The following DIAPH3 variants were observed in gnomAD, a reference collection of about 807,000 sequenced individuals.
The protein encoded by DIAPH3 is protein diaphanous homolog 3.
Under a neutral mutation model 144.3 loss-of-function variants are expected in DIAPH3, and 117 were observed. That is an observed-to-expected ratio of 0.81 (90% confidence interval 0.70 to 0.95). DIAPH3 has a LOEUF of 0.95. DIAPH3 is among the 40% of genes least tolerant of loss of function. The pLI is 0.00. For missense variants in DIAPH3, 1,421 were observed against 1,412.7 expected (o/e 1.01, Z -0.09); for synonymous variants, 519 against 488.9 (o/e 1.06, Z -0.81).
chr13:59,875,575 T>C (rs1398098369), intron 21 of DIAPH3, among the ~76,000 whole-genome samples: 3 of 152,130 alleles, frequency 2.0e-5, no homozygotes, highest in Admixed American at 2.0e-4. Context: ...TTTATAACAC[T>C]ATTCAACACG....
chr13:59,963,661 G>A (rs2049893445), intron 17 of DIAPH3, among the ~76,000 whole-genome samples: 1 of 151,890 alleles, frequency 6.6e-6, no homozygotes, highest in African/African-American at 2.4e-5. Flanking sequence ...GGGAGAACAG[G>A]TAAATGAATA....
chr13:59,777,835 T>A (rs2038505062), intron 25 of DIAPH3, among the ~76,000 whole-genome samples: 1 of 152,078 alleles, frequency 6.6e-6, no homozygotes, highest in Non-Finnish European at 1.5e-5. Flanking sequence ...GCTAGAGAAC[T>A]GTTCTAGATT....
intron 27 of DIAPH3, among the ~76,000 whole-genome samples, chr13:59,767,608 G>A (rs777188128): frequency 4.0e-5 from 6 of 151,888 alleles, no homozygotes; most frequent in Non-Finnish European, 8.8e-5. Flanking sequence ...TAAGAAAAGG[G>A]AGAGATTCAG....
intron 25 of DIAPH3, among the ~76,000 whole-genome samples, chr13:59,799,227 A>G (rs1183754536): frequency 6.6e-6 from 1 of 152,102 alleles, no homozygotes; most frequent in Non-Finnish European, 1.5e-5. Context: ...ATGGACGTAG[A>G]TGCCAACTGA....
intron 15 of DIAPH3, among the ~76,000 whole-genome samples, chr13:59,972,349 T>C (rs555819063): frequency 9.8e-5 from 15 of 152,310 alleles, no homozygotes; most frequent in Admixed American, 5.9e-4. Context: ...AACAGATGCA[T>C]TTCGATGGAT....
At position 59,977,193 on chromosome 13, in the gene DIAPH3, C is replaced by A. The variant is rs149970769; in HGVS notation, c.1546-2737G>T. ...TGATGGAGAAGTAAAAGCAAACTAACAACCCTAAATCAATTAAAAATACCA... is the reference window on the plus strand; with the variant it reads ...TGATGGAGAAGTAAAAGCAAACTAAAAACCCTAAATCAATTAAAAATACCA... On this transcript the variant is annotated intron_variant, in intron 14 of 27. Transcript: ENST00000400324. 1.3e-4 allele frequency among the ~76,000 whole-genome samples: 19 copies of A among 151,796 alleles called. No homozygotes were observed. In the East Asian group the frequency reaches 3.7e-3, roughly 29 times the overall value.
chr13:59,878,622 G>T (rs1282012343), intron 21 of DIAPH3, among the ~76,000 whole-genome samples: 1 of 151,946 alleles, frequency 6.6e-6, no homozygotes, highest in Non-Finnish European at 1.5e-5. Flanking sequence ...GAATATATTT[G>T]CTGTAAGGAA....
intron 21 of DIAPH3, among the ~76,000 whole-genome samples, chr13:59,868,172 G>C (rs2044045054): frequency 6.6e-6 from 1 of 152,080 alleles, no homozygotes; most frequent in African/African-American, 2.4e-5. Flanking sequence ...TTCTTGTTTG[G>C]AGTAGTTTCA....
chr13:59,868,852 T>C (rs2044087194), intron 21 of DIAPH3, among the ~76,000 whole-genome samples: 1 of 152,206 alleles, frequency 6.6e-6, no homozygotes, highest in Non-Finnish European at 1.5e-5. Context: ...TTCTATCACT[T>C]AGCAATACGA....
At chr13:59,999,590 T>G (rs888831445) in intron 9 of DIAPH3, among the ~76,000 whole-genome samples, 2 of 152,302 alleles carry the variant, frequency 1.3e-5, no homozygotes. Context: ...CACAGTTCCC[T>G]GCTCCCAGCC....
chr13:59,777,966 A>G (rs2038512792), intron 25 of DIAPH3, among the ~76,000 whole-genome samples: 1 of 152,202 alleles, frequency 6.6e-6, no homozygotes. Context: ...TGGACTGGGT[A>G]TCAGATAATT....
chr13:59,871,202 G>C (rs1388369930), intron 21 of DIAPH3, among the ~76,000 whole-genome samples: 1 of 144,992 alleles, frequency 6.9e-6, no homozygotes, highest in South Asian at 2.2e-4. Flanking sequence ...TTTTGGGGGG[G>C]GGGGTGGCGG....
intron 24 of DIAPH3, among the ~76,000 whole-genome samples, chr13:59,830,220 T>G (rs1332208749): frequency 6.6e-6 from 1 of 151,772 alleles, no homozygotes; most frequent in African/African-American, 2.4e-5. Flanking sequence ...GTCAGGAGTT[T>G]TTGCCAATAT....
chr13:60,099,700 A>C (rs1159468310), intron 3 of DIAPH3, among the ~76,000 whole-genome samples: 1 of 152,220 alleles, frequency 6.6e-6, no homozygotes, highest in Non-Finnish European at 1.5e-5. Flanking sequence ...ACAGCAAAAA[A>C]AATAGTTTCC....
At chr13:60,008,135 T>A (rs1005088686) in intron 9 of DIAPH3, among the ~76,000 whole-genome samples, 1 of 152,186 alleles carries the variant, frequency 6.6e-6, no homozygotes, top group Non-Finnish European at 1.5e-5. Context: ...GGCTCATGCC[T>A]GTAATCCCAG....
At position 59,810,801 on chromosome 13, in the gene DIAPH3, T is replaced by C. The variant is rs746603687; in HGVS notation, c.3150A>G (p.Leu1050=). The change falls in exon 25 of 28, where the codon TTA becomes TTG. Residue 1050 remains leucine, a synonymous_variant. Coordinates refer to ENST00000400324, the MANE Select transcript of DIAPH3 (RefSeq NM_001042517.2). ...LERQQKKKRL[L]EMKTEGDETG... is the part of the protein sequence containing the mutation. ...GATAGTACTCACCAGTCTTCATTTC[T>C]AATAAACGCTTTTTCTTTTGTTGGC... is the stretch of plus-strand genomic sequence containing the variant. 28 of 1,613,338 alleles carry C rather than the reference T, an allele frequency of 1.7e-5. No individual in the cohort carries two copies. The highest frequency in any genetic ancestry group is 2.2e-5 in the Non-Finnish European group (26 of 1,179,870).
chr13:59,699,540 G>T (rs1593607534), intron 27 of DIAPH3, among the ~76,000 whole-genome samples: 1 of 152,152 alleles, frequency 6.6e-6, no homozygotes, highest in African/African-American at 2.4e-5. Flanking sequence ...ACCCTTTTCA[G>T]AAACACTTTG....
rs1555363112 is a variant in DIAPH3, at chr13:60,040,251, A to AAG, written c.626+2438_626+2439insCT. Among the ~76,000 whole-genome samples the AAG allele has an allele frequency of 2.0e-3, 290 of 145,050 alleles. 2 individuals are homozygous for AAG. Among genetic ancestry groups the AAG allele is most frequent in the African/African-American group, 7.7e-3 (281 of 36,344 alleles). On this transcript the variant is annotated intron_variant, in intron 5 of 27. Coordinates refer to ENST00000400324, the MANE Select transcript of DIAPH3 (RefSeq NM_001042517.2). ...CAAAAAAAAAAAAAAAAAAAAAAAA[A>AAG]GGATCTTCTCAATTTTCTCTCTAAA...
At position 60,016,868 on chromosome 13, in the gene DIAPH3, C is replaced by T. The variant is rs912298457; in HGVS notation, c.627-723G>A. Among the ~76,000 whole-genome samples, 7 of 152,140 alleles carry T rather than the reference C, an allele frequency of 4.6e-5. 1 individual carries two copies. Among genetic ancestry groups the T allele is most frequent in the Admixed American group, 1.3e-4 (2 of 15,272 alleles). On this transcript the variant is annotated intron_variant, in intron 5 of 27. Coordinates refer to ENST00000400324, the MANE Select transcript of DIAPH3 (RefSeq NM_001042517.2). ...ATCACAGGCCTTTACATAACTAGAA[C>T]ATTACTGTCACTAGACAACAGCTTG...
Sources: gnomAD v4.1 joint callset for allele counts (sites outside exome capture counted in the v4.1 genomes callset) on GRCh38, gnomAD v4.1.1 for gene constraint, MANE v1.5 for transcripts, NCBI Gene and HGNC (gene_info 2026-07-23, HGNC 2026-07-21) for gene names.